KIRREL3: variants seen among roughly 807,000 people sequenced by gnomAD.
The protein encoded by KIRREL3 is kin of IRRE-like protein 3.
Under a neutral mutation model 89.7 loss-of-function variants are expected in KIRREL3, and 36 were observed. The observed-to-expected ratio is 0.40, with a 90% CI of 0.31 to 0.53. The LOEUF is 0.53. KIRREL3 is among the 20% of genes least tolerant of loss of function. KIRREL3 has a pLI of 0.49. For missense variants in KIRREL3, 864 were observed against 1,056.6 expected (o/e 0.82, Z 2.53); for synonymous variants, 445 against 441.4 (o/e 1.01, Z -0.10).
Position 126,436,807 on chromosome 11 carries a change from T to G in KIRREL3, c.1552+4A>C, listed in dbSNP as rs1446476326. ...TGTTCCCTCATGGCCCTGGCAGCTC[T>G]CACCTTGCTCCTTGAGCCGGATGAT... On this transcript the variant is annotated splice_donor_region_variant and intron_variant, in intron 12 of 16. Transcript: ENST00000525144. 1.9e-6 allele frequency: 3 copies of G among 1,613,298 alleles called. No homozygotes were observed. The highest frequency in any genetic ancestry group is 2.5e-6 in the Non-Finnish European group (3 of 1,179,856).
chr11:126,521,300 GCAGAT>G lies in KIRREL3; in HGVS notation c.433+10_433+14del. 1 of 1,528,280 alleles carries G rather than the reference GCAGAT, an allele frequency of 6.5e-7. No homozygotes were observed. The highest frequency in any genetic ancestry group is 1.2e-5 in the South Asian group (1 of 81,352). The allele number at this position is 1,528,280 out of a possible 1,614,324, so 94.7% of individuals were successfully genotyped here. The stretch of plus-strand genomic sequence containing the variant: ...TTCACGCAGTGTCCCAGCCCCGTGT[GCAGAT>G]GGTTCTTACCCAGGACTGTGAGGCG... On this transcript the variant is annotated intron_variant, in intron 4 of 16. Transcript: ENST00000525144. This position sits in a 1 kb window ranked among gnomAD's most constrained non-coding sequence, Gnocchi z 4.1.
At position 126,612,926 on chromosome 11, in the gene KIRREL3, A is replaced by C. The variant is rs1237098472; in HGVS notation, c.56-50014T>G. Among the ~76,000 whole-genome samples the C allele has an allele frequency of 1.3e-5, 2 of 152,194 alleles. No homozygotes were observed. Among genetic ancestry groups the C allele is most frequent in the African/African-American group, 4.8e-5 (2 of 41,436 alleles). ...TGTTTCCACTTTTCGGCTATTGTGA[A>C]TACTGCTGCTATGAACATCTGTGTA... On this transcript the variant is annotated intron_variant, in intron 1 of 16. Coordinates refer to ENST00000525144, the MANE Select transcript of KIRREL3 (RefSeq NM_032531.4). This position sits in a 1 kb window ranked among gnomAD's most constrained non-coding sequence, Gnocchi z 4.5.
rs111813368 is a variant in KIRREL3 at position 126,586,740 on chromosome 11, G to A, written c.56-23828C>T. Among the ~76,000 whole-genome samples, 9 of 152,072 alleles carry A rather than the reference G, an allele frequency of 5.9e-5. No homozygotes were observed. The East Asian group carries it at 1.6e-3, about 26-fold the overall frequency. Reference sequence around the variant, plus strand: ...TGCCACTTGTCCCTTTTGAAGTAGCGGATACAAGGTGGCACCGTGAAGGCA... The same window carrying A: ...TGCCACTTGTCCCTTTTGAAGTAGCAGATACAAGGTGGCACCGTGAAGGCA... On this transcript the variant is annotated intron_variant, in intron 1 of 16. Coordinates refer to ENST00000525144, the MANE Select transcript of KIRREL3 (RefSeq NM_032531.4).
chr11:126,599,420 C>A (rs544329799), intron 1 of KIRREL3, among the ~76,000 whole-genome samples: 1 of 152,182 alleles, frequency 6.6e-6, no homozygotes, highest in Admixed American at 6.5e-5. Flanking sequence ...TTCTCTTTAA[C>A]TCTTAAAATG....
intron 1 of KIRREL3, among the ~76,000 whole-genome samples, chr11:126,665,868 C>T (rs1344654186): frequency 6.6e-6 from 1 of 152,176 alleles, no homozygotes; most frequent in Non-Finnish European, 1.5e-5. Flanking sequence ...TCTCTATGTG[C>T]ATTCATTTTT....
In KIRREL3 at chr11:126,624,197, G is replaced by A. The variant is rs1266584372; in HGVS notation, c.56-61285C>T. ...GAAGAACTAGAATACAGGGAGCCAG[G>A]GGGTGGCGGTGTGGCGGGGAGGAGG... On this transcript the variant is annotated intron_variant, in intron 1 of 16. Transcript: ENST00000525144. This position sits in a 1 kb window ranked among gnomAD's most constrained non-coding sequence, Gnocchi z 6.0. Among the ~76,000 whole-genome samples, 1 of 152,160 alleles carries A rather than the reference G, an allele frequency of 6.6e-6. No homozygotes were observed. The highest frequency in any genetic ancestry group is 1.5e-5 in the Non-Finnish European group (1 of 68,030).
rs2134775566 is a variant in KIRREL3 at position 126,892,052 on chromosome 11, A to G, written c.55+108403T>C. On this transcript the variant is annotated intron_variant, in intron 1 of 16. Transcript: ENST00000525144. The surrounding 1 kb of genome is among the most constrained non-coding windows in gnomAD (Gnocchi z 5.4). Reference sequence around the variant, plus strand: ...CAGAATGCTGGACTCTGGGTGCCTGAATTCTGATCCTGGCTCTATCAGTGT... The same window carrying G: ...CAGAATGCTGGACTCTGGGTGCCTGGATTCTGATCCTGGCTCTATCAGTGT... Among the ~76,000 whole-genome samples, 1 of 152,246 alleles carries G rather than the reference A, an allele frequency of 6.6e-6. No homozygotes were observed. The highest frequency in any genetic ancestry group is 1.9e-4 in the East Asian group (1 of 5,186).
chr11:126,518,291 T>A (rs1228404611), intron 4 of KIRREL3, among the ~76,000 whole-genome samples: 6 of 152,264 alleles, frequency 3.9e-5, no homozygotes, highest in Non-Finnish European at 8.8e-5. Flanking sequence ...GCTGGCCCTC[T>A]GGCTTCATCT....
At chr11:126,775,805 G>C (rs1453633469) in intron 1 of KIRREL3, among the ~76,000 whole-genome samples, 1 of 152,206 alleles carries the variant, frequency 6.6e-6, no homozygotes, top group Non-Finnish European at 1.5e-5. Context: ...TTGAGCTGGG[G>C]TGTGGAGCTG....
At chr11:126,453,115 GT>G (rs1202587210) in intron 7 of KIRREL3, among the ~76,000 whole-genome samples, 1 of 147,964 alleles carries the variant, frequency 6.8e-6, no homozygotes, top group Non-Finnish European at 1.5e-5. Context: ...TGAAAGTGGA[GT>G]CAGCTTAAGC....
At chr11:126,588,582 G>A (rs999894468) in intron 1 of KIRREL3, among the ~76,000 whole-genome samples, 7 of 152,146 alleles carry the variant, frequency 4.6e-5, no homozygotes, top group East Asian at 3.9e-4. Flanking sequence ...AGCCTTGCAC[G>A]CGCCCTGGGC....
intron 1 of KIRREL3, among the ~76,000 whole-genome samples, chr11:126,835,795 G>A (rs1943762175): frequency 6.6e-6 from 1 of 152,190 alleles, no homozygotes; most frequent in African/African-American, 2.4e-5. Flanking sequence ...TTGCCTAGGG[G>A]ATTTGGTTCA....
chr11:126,562,978 C>G lies in KIRREL3; in HGVS notation c.56-66G>C. ...AGGTCAGGCATTGTTGGGGGGCCCT[C>G]TGCAGGGGGCTGTGGAGCTTGTTGC... On this transcript the variant is annotated intron_variant, in intron 1 of 16. Coordinates refer to ENST00000525144, the MANE Select transcript of KIRREL3 (RefSeq NM_032531.4). This position sits in a 1 kb window ranked among gnomAD's most constrained non-coding sequence, Gnocchi z 4.7. 1 of 1,153,056 alleles carries G rather than the reference C, an allele frequency of 8.7e-7. No homozygotes were observed. The highest frequency in any genetic ancestry group is 1.3e-6 in the Non-Finnish European group (1 of 772,260). 71.4% of individuals were successfully genotyped at this position (1,153,056 alleles called of 1,614,324 possible). A position where few individuals can be genotyped will look rare whatever the true frequency, so the allele number is the denominator to read the frequency against.
At position 126,924,248 on chromosome 11, in the gene KIRREL3, C is replaced by A. The variant is rs1175003222; in HGVS notation, c.55+76207G>T. Among the ~76,000 whole-genome samples, 1 of 152,122 alleles carries A rather than the reference C, an allele frequency of 6.6e-6. No individual in the cohort carries two copies. The highest frequency in any genetic ancestry group is 1.5e-5 in the Non-Finnish European group (1 of 68,018). ...GAATGCATCCACGCAACTGGTTTTCCCACCTTCAGTTTTCCCTTCTAGCTC... is the reference window on the plus strand; with the variant it reads ...GAATGCATCCACGCAACTGGTTTTCACACCTTCAGTTTTCCCTTCTAGCTC... On this transcript the variant is annotated intron_variant, in intron 1 of 16. Coordinates refer to ENST00000525144, the MANE Select transcript of KIRREL3 (RefSeq NM_032531.4). This position sits in a 1 kb window ranked among gnomAD's most constrained non-coding sequence, Gnocchi z 4.7.
At chr11:126,542,219 A>G (rs1255414025) in intron 2 of KIRREL3, among the ~76,000 whole-genome samples, 1 of 152,140 alleles carries the variant, frequency 6.6e-6, no homozygotes, top group Non-Finnish European at 1.5e-5. Flanking sequence ...GCCTGCATGG[A>G]GAATCACAGC....
chr11:126,571,963 A>G lies in KIRREL3; in HGVS notation c.56-9051T>C, dbSNP rs1940963575. On this transcript the variant is annotated intron_variant, in intron 1 of 16. Transcript: ENST00000525144. This position sits in a 1 kb window ranked among gnomAD's most constrained non-coding sequence, Gnocchi z 7.7. ...GTCTTCCACACACCCTGTGAGGAACAGGGGCTGCCAAAAGCCATATGCCTG... is the reference window on the plus strand; with the variant it reads ...GTCTTCCACACACCCTGTGAGGAACGGGGGCTGCCAAAAGCCATATGCCTG... Among the ~76,000 whole-genome samples the G allele has an allele frequency of 6.6e-6, 1 of 152,220 alleles. No homozygotes were observed. The highest frequency in any genetic ancestry group is 1.5e-5 in the Non-Finnish European group (1 of 68,028).
rs1944289155 is a variant in KIRREL3 at position 126,636,957 on chromosome 11, GA to G, written c.56-74046del. On this transcript the variant is annotated intron_variant, in intron 1 of 16. Coordinates refer to ENST00000525144, the MANE Select transcript of KIRREL3 (RefSeq NM_032531.4). The surrounding 1 kb of genome is among the most constrained non-coding windows in gnomAD (Gnocchi z 4.4). Reference sequence around the variant, plus strand: ...AGAGATGACTGAGGGATAAAAAGGCGATGTGAAAGTCCCTAGGAGGGTAGGC... The same window carrying G: ...AGAGATGACTGAGGGATAAAAAGGCGTGTGAAAGTCCCTAGGAGGGTAGGC... Among the ~76,000 whole-genome samples the G allele has an allele frequency of 6.6e-6, 1 of 152,190 alleles. No individual in the cohort carries two copies. Among genetic ancestry groups the G allele is most frequent in the East Asian group, 1.9e-4 (1 of 5,200 alleles).
intron 1 of KIRREL3, among the ~76,000 whole-genome samples, chr11:126,921,407 CTAT>C (rs1947276375): frequency 7.2e-6 from 1 of 138,900 alleles, no homozygotes; most frequent in Non-Finnish European, 1.6e-5. Context: ...ATCTATCTAT[CTAT>C]CTATCTATCT....
rs538167689 is a variant in KIRREL3, at chr11:126,865,684, C to T, written c.55+134771G>A. 5.3e-5 allele frequency among the ~76,000 whole-genome samples: 8 copies of T among 152,242 alleles called. No homozygotes were observed. In the East Asian group the frequency reaches 1.4e-3, roughly 26 times the overall value. ...CCAATTGTACAGGACCCTGAGGGAT[C>T]GACGAAGTCTCTGTTTCTGTCTATT... On this transcript the variant is annotated intron_variant, in intron 1 of 16. Coordinates refer to ENST00000525144, the MANE Select transcript of KIRREL3 (RefSeq NM_032531.4).
Sources: allele counts gnomAD v4.1 joint callset (sites outside exome capture counted in the v4.1 genomes callset), GRCh38; gene constraint gnomAD v4.1.1; non-coding constraint Gnocchi (gnomAD v3.1); transcripts MANE v1.5; gene names NCBI Gene and HGNC (gene_info 2026-07-23, HGNC 2026-07-21).